Variants in LYN observed in about 807,000 individuals in gnomAD.
LYN encodes tyrosine-protein kinase Lyn.
In LYN, 12 loss-of-function variants were observed where a neutral mutation model predicts 65.0. The ratio of observed to expected loss-of-function variants is 0.18; its 90% CI spans 0.12 to 0.30. The LOEUF is 0.30. LYN is among the 10% of genes least tolerant of loss of function. The pLI, the probability that LYN is intolerant of heterozygous loss-of-function variation, is 1.00. For synonymous variants in LYN, 222 were observed against 221.2 expected, an observed-to-expected ratio of 1.00 and a Z score of -0.03; for missense variants, 380 against 623.2, an observed-to-expected ratio of 0.61 and a Z score of 4.16.
chr8:55,901,415 G>A (rs549402800), intron 1 of LYN, among the ~76,000 whole-genome samples: 5 of 152,298 alleles, frequency 3.3e-5, no homozygotes, highest in African/African-American at 9.6e-5. Flanking sequence ...GAAAGGAACT[G>A]TTTAATTGAA....
rs551301618 is a variant in LYN at position 55,979,475 on chromosome 8, C to T, written c.1050+9682C>T. On this transcript the variant is annotated intron_variant, in intron 10 of 12. Coordinates refer to ENST00000519728, the MANE Select transcript of LYN (RefSeq NM_002350.4). ...ACTTCTGTAGAAACACAGCATTCTTCGCCTACCCTCGGAGCACGTGCTGTA... is the reference window on the plus strand; with the variant it reads ...ACTTCTGTAGAAACACAGCATTCTTTGCCTACCCTCGGAGCACGTGCTGTA... 1.2e-4 allele frequency among the ~76,000 whole-genome samples: 19 copies of T among 152,300 alleles called. 1 individual carries two copies. The highest frequency in any genetic ancestry group is 1.2e-3 in the East Asian group (6 of 5,178).
At chr8:55,977,239 A>G (rs1807783620) in intron 10 of LYN, among the ~76,000 whole-genome samples, 1 of 152,204 alleles carries the variant, frequency 6.6e-6, no homozygotes, top group Non-Finnish European at 1.5e-5. Context: ...CAGTTGTGGA[A>G]GACTAAACTG....
intron 1 of LYN, among the ~76,000 whole-genome samples, chr8:55,936,531 C>G (rs1806442080): frequency 1.3e-5 from 2 of 152,038 alleles, no homozygotes; most frequent in Non-Finnish European, 2.9e-5. Flanking sequence ...TCCCAGCTAC[C>G]TGGGAGGCTG....
chr8:55,993,014 T>G (rs1808290144), intron 10 of LYN, among the ~76,000 whole-genome samples: 2 of 152,042 alleles, frequency 1.3e-5, no homozygotes, highest in African/African-American at 4.8e-5. Context: ...GGGGTAAGAT[T>G]GCCCCCAAGG....
intron 8 of LYN, among the ~76,000 whole-genome samples, chr8:55,961,547 C>T (rs1018773869): frequency 1.3e-5 from 2 of 152,180 alleles, no homozygotes. Context: ...TTATCTACCA[C>T]TCACCTCAAA....
chr8:55,965,431 A>T (rs1219433650), intron 8 of LYN, among the ~76,000 whole-genome samples: 2 of 152,140 alleles, frequency 1.3e-5, no homozygotes, highest in East Asian at 3.9e-4. Flanking sequence ...ACTAACAGTC[A>T]CCCAAGTCCA....
At chr8:55,968,582 C>T (rs1201816834) in intron 9 of LYN, among the ~76,000 whole-genome samples, 1 of 152,172 alleles carries the variant, frequency 6.6e-6, no homozygotes, top group African/African-American at 2.4e-5. Flanking sequence ...TTATTGAGCA[C>T]TTACTATATG....
rs551607184 is a variant in LYN, at chr8:55,906,568, G to A, written c.-6+26465G>A. On this transcript the variant is annotated intron_variant, in intron 1 of 12. Transcript: ENST00000519728. ...GACAGAGTTTCACCATGTTGCCCAG[G>A]CTAGTCTTGAACTCCTCACCTCAGG... Among the ~76,000 whole-genome samples, 11 of 151,214 alleles carry A rather than the reference G, an allele frequency of 7.3e-5. 1 individual carries two copies. In the South Asian group the frequency reaches 1.0e-3, roughly 14 times the overall value.
At chr8:55,992,338 G>C (rs1366579698) in intron 10 of LYN, among the ~76,000 whole-genome samples, 2 of 152,172 alleles carry the variant, frequency 1.3e-5, no homozygotes, top group African/African-American at 4.8e-5. Context: ...TGTATCCCCT[G>C]CCTCCAAGCC....
rs984120244 is a variant in LYN at position 55,880,030 on chromosome 8, G to A, written c.-79G>A. ...CCCCATACGCAGGTCCTGCTGGGCC[G>A]CCCCGTCGCGCCCCCCACTCTGAAC... On this transcript the variant is annotated 5_prime_UTR_variant, in exon 1 of 13. Coordinates refer to ENST00000519728, the MANE Select transcript of LYN (RefSeq NM_002350.4). 4 of 305,024 alleles carry A rather than the reference G, an allele frequency of 1.3e-5. No individual in the cohort carries two copies. The highest frequency in any genetic ancestry group is 2.7e-5 in the Non-Finnish European group (4 of 150,644). The allele number at this position is 305,024 out of a possible 1,614,324, so 18.9% of individuals were successfully genotyped here. A position where few individuals can be genotyped will look rare whatever the true frequency, so the allele number is the denominator to read the frequency against.
chr8:55,888,658 T>A (rs1184587756), intron 1 of LYN, among the ~76,000 whole-genome samples: 1 of 152,176 alleles, frequency 6.6e-6, no homozygotes, highest in Non-Finnish European at 1.5e-5. Flanking sequence ...GTAATCGTCA[T>A]CTGCAAGTAG....
In LYN at chr8:56,010,572, TAAAAA is replaced by T; in HGVS notation, c.*473_*477del. On this transcript the variant is annotated 3_prime_UTR_variant, in exon 13 of 13. Coordinates refer to ENST00000519728, the MANE Select transcript of LYN (RefSeq NM_002350.4). ...TTCTTTGTGCTTTGGCTTACTTGTT[TAAAAA>T]AAAAAAAAAACTAATCCAACCTGTT... 4.9e-6 allele frequency: 1 copy of T among 202,470 alleles called. No homozygotes were observed. The highest frequency in any genetic ancestry group is 9.8e-6 in the Non-Finnish European group (1 of 101,900). 12.5% of individuals were successfully genotyped at this position (202,470 alleles called of 1,614,324 possible).
chr8:55,965,736 G>A (rs1807436024), intron 8 of LYN, among the ~76,000 whole-genome samples: 1 of 152,098 alleles, frequency 6.6e-6, no homozygotes, highest in South Asian at 2.1e-4. Flanking sequence ...ATGCCTGTGT[G>A]TGTATGTATA....
chr8:55,957,168 G>A (rs1226703356), intron 8 of LYN, among the ~76,000 whole-genome samples: 2 of 145,010 alleles, frequency 1.4e-5, no homozygotes, highest in Non-Finnish European at 3.0e-5. Context: ...TTCCACATCA[G>A]TGAAGTGGAC....
chr8:55,940,533 G>A (rs571626872), intron 1 of LYN, among the ~76,000 whole-genome samples: 1 of 152,010 alleles, frequency 6.6e-6, no homozygotes. Context: ...GTGCCACCAC[G>A]CCCAGCTAAT....
intron 12 of LYN, among the ~76,000 whole-genome samples, chr8:56,003,263 G>C (rs920055038): frequency 6.6e-6 from 1 of 151,878 alleles, no homozygotes; most frequent in African/African-American, 2.4e-5. Context: ...GGGTTTTGCC[G>C]TGTTAGCCAG....
At chr8:55,957,890 G>A (rs943156141) in intron 8 of LYN, among the ~76,000 whole-genome samples, 1 of 152,196 alleles carries the variant, frequency 6.6e-6, no homozygotes, top group Non-Finnish European at 1.5e-5. Flanking sequence ...AGAGGTTGCA[G>A]TGAGCTGAGA....
intron 1 of LYN, among the ~76,000 whole-genome samples, chr8:55,934,028 C>A (rs1042676704): frequency 6.6e-6 from 1 of 152,172 alleles, no homozygotes; most frequent in African/African-American, 2.4e-5. Flanking sequence ...GAGTTCGAGA[C>A]CAGCCTGGCC....
chr8:55,994,283 C>G (rs1323797445), intron 10 of LYN, among the ~76,000 whole-genome samples: 1 of 151,934 alleles, frequency 6.6e-6, no homozygotes. Flanking sequence ...TATTTTGCTC[C>G]CATATTCATT....
Sources: allele counts gnomAD v4.1 joint callset (sites outside exome capture counted in the v4.1 genomes callset), GRCh38; gene constraint gnomAD v4.1.1; transcripts MANE v1.5; gene names NCBI Gene and HGNC (gene_info 2026-07-23, HGNC 2026-07-21).